Variants in EVC2 observed in about 807,000 individuals in gnomAD.
EVC2 encodes the protein limbin.
In EVC2, 148 loss-of-function variants were observed where a neutral mutation model predicts 149.3. The observed-to-expected ratio is 0.99, with a 90% CI of 0.87 to 1.14. The LOEUF is 1.14. EVC2 is among the 50% of genes most tolerant of loss of function. The probability of loss-of-function intolerance (pLI) is 0.00; values close to 1 mark genes in which losing one functional copy is unlikely to be tolerated. For synonymous variants in EVC2, 776 were observed against 649.9 expected, an observed-to-expected ratio of 1.19 and a Z score of -2.95; for missense variants, 1,854 against 1,627.3, an observed-to-expected ratio of 1.14 and a Z score of -2.40.
rs566705050 is a variant in EVC2, at chr4:5,686,806, C to G, written c.707-1327G>C. Among the ~76,000 whole-genome samples, 524 of 151,896 alleles carry G rather than the reference C, an allele frequency of 3.4e-3. 1 individual carries two copies. The highest frequency in any genetic ancestry group is 0.012 in the African/African-American group (508 of 41,430). ...TTTGGGGAAAAAAAAAAAAAGTCAC[C>G]TGTGCCCCAAGGTGAAAATCAATGT... On this transcript the variant is annotated intron_variant, in intron 5 of 21. Transcript: ENST00000344408. This position sits in a 1 kb window ranked among gnomAD's most constrained non-coding sequence, Gnocchi z 5.4.
At chr4:5,703,611 C>T (rs1721962166) in intron 1 of EVC2, among the ~76,000 whole-genome samples, 1 of 152,196 alleles carries the variant, frequency 6.6e-6, no homozygotes, top group South Asian at 2.1e-4. Flanking sequence ...AGTTACTTCA[C>T]TTGCATTCAT....
At chr4:5,599,752 G>C (rs1331372039) in intron 16 of EVC2, among the ~76,000 whole-genome samples, 2 of 152,128 alleles carry the variant, frequency 1.3e-5, no homozygotes, top group Non-Finnish European at 2.9e-5. Flanking sequence ...TCCCATTCTA[G>C]CGGCTGGTCC....
At chr4:5,580,082 C>G (rs1002065587) in intron 17 of EVC2, among the ~76,000 whole-genome samples, 1 of 152,158 alleles carries the variant, frequency 6.6e-6, no homozygotes, top group East Asian at 1.9e-4. Context: ...ATGAGGTGCA[C>G]TTGATATAGT....
rs1338358537 is a variant in EVC2 at position 5,640,887 on chromosome 4, G to C, written c.1146-49C>G. ...AATTCCATTACATGAAATTGCAACA[G>C]AAACCAAAGGTCTTTCAAAGCTCTG... On this transcript the variant is annotated intron_variant, in intron 9 of 21. Transcript: ENST00000344408. The surrounding 1 kb of genome is among the most constrained non-coding windows in gnomAD (Gnocchi z 4.6). The C allele has an allele frequency of 2.5e-6, 4 of 1,602,000 alleles. No individual in the cohort carries two copies. The East Asian group carries it at 8.9e-5, about 36-fold the overall frequency.
At chr4:5,535,635 A>AGAGAGATAGAGAGAGAG in the EVC2 span, among the ~76,000 whole-genome samples, 1 of 87,878 alleles carries the variant, frequency 1.1e-5, no homozygotes, top group African/African-American at 4.9e-5. The surrounding 1 kb of genome is among the most constrained non-coding windows in gnomAD (Gnocchi z 4.7). Flanking sequence ...GAGAGAGAGA[A>AGAGAGATAGAGAGAGAG]AGAGATAATC....
intron 1 of EVC2, 83 bp from the exon 2 acceptor site, chr4:5,697,730 A>C: frequency 1.0e-5 from 13 of 1,262,334 alleles, no homozygotes; most frequent in East Asian, 2.4e-5. Flanking sequence ...AATGACTCAC[A>C]TGGAGAGGAC....
rs991137173 is a variant in EVC2 at position 5,562,786 on chromosome 4, C to T, written c.*62G>A. ...TTGTGCATTATAAACACACAAACAC[C>T]GGCGGGCAGGAGAAAATCATCCCTT... On this transcript the variant is annotated 3_prime_UTR_variant, in exon 22 of 22. Transcript: ENST00000344408. This position sits in a 1 kb window ranked among gnomAD's most constrained non-coding sequence, Gnocchi z 4.3. 36 of 1,608,294 alleles carry T rather than the reference C, an allele frequency of 2.2e-5. No homozygotes were observed. Among genetic ancestry groups the T allele is most frequent in the Non-Finnish European group, 2.8e-5 (33 of 1,179,974 alleles).
chr4:5,702,601 T>C (rs898766236), intron 1 of EVC2, among the ~76,000 whole-genome samples: 5 of 152,302 alleles, frequency 3.3e-5, no homozygotes, highest in Admixed American at 2.0e-4. Context: ...ATGGGGCCAT[T>C]TGAGCATATG....
intron 9 of EVC2, among the ~76,000 whole-genome samples, chr4:5,650,620 TATATATATATATATATATAGAGAG>T (rs1196882138): frequency 9.2e-4 from 75 of 81,376 alleles, no homozygotes; most frequent in African/African-American, 2.8e-3. Context: ...TATATATATA[TATATATATATATATATATAGAGAG>T]AGAGAGAGAG....
rs954914463 is a variant in EVC2, at chr4:5,637,401, A to T, written c.1470+3113T>A. Reference sequence around the variant, plus strand: ...CCCCAGCTCAGTTTCCTCACCTGTCAAAGTGAGATCCTCTCAGTCCCTACC... The same window carrying T: ...CCCCAGCTCAGTTTCCTCACCTGTCTAAGTGAGATCCTCTCAGTCCCTACC... On this transcript the variant is annotated intron_variant, in intron 10 of 21. Coordinates refer to ENST00000344408, the MANE Select transcript of EVC2 (RefSeq NM_147127.5). This position sits in a 1 kb window ranked among gnomAD's most constrained non-coding sequence, Gnocchi z 4.4. Among the ~76,000 whole-genome samples, 2 of 152,168 alleles carry T rather than the reference A, an allele frequency of 1.3e-5. No homozygotes were observed. The highest frequency in any genetic ancestry group is 4.8e-5 in the African/African-American group (2 of 41,446).
chr4:5,575,681 A>G (rs943239681), intron 18 of EVC2, among the ~76,000 whole-genome samples: 1 of 152,240 alleles, frequency 6.6e-6, no homozygotes, highest in South Asian at 2.1e-4. Context: ...TGAAGCTGTT[A>G]AAAATTGTGT....
In EVC2 at chr4:5,628,990, C is replaced by G. The variant is rs868615241; in HGVS notation, c.1711-256G>C. On this transcript the variant is annotated intron_variant, in intron 11 of 21. Transcript: ENST00000344408. The stretch of plus-strand genomic sequence containing the variant: ...TTATCAGAACAACTTCACTGCCCTA[C>G]GGAACATAAATTTCACTAATTCAGC... Among the ~76,000 whole-genome samples the G allele has an allele frequency of 3.3e-5, 5 of 152,134 alleles. No homozygotes were observed. In the East Asian group the frequency reaches 9.6e-4, roughly 29 times the overall value.
At chr4:5,529,662 T>C in the EVC2 span, among the ~76,000 whole-genome samples, 1 of 152,220 alleles carries the variant, frequency 6.6e-6, no homozygotes, top group African/African-American at 2.4e-5. The surrounding 1 kb of genome is among the most constrained non-coding windows in gnomAD (Gnocchi z 4.5). Context: ...GGAAGCTTAA[T>C]ACTTAGGAAT....
chr4:5,599,584 G>C (rs930275026), intron 16 of EVC2, among the ~76,000 whole-genome samples: 3 of 152,138 alleles, frequency 2.0e-5, no homozygotes, highest in Non-Finnish European at 2.9e-5. Context: ...GGTGGGCAGA[G>C]GGGGGAGGGA....
rs1264004633 is a variant in EVC2, at chr4:5,614,807, A to T, written c.2829+615T>A. On this transcript the variant is annotated intron_variant, in intron 16 of 21. Transcript: ENST00000344408. This position sits in a 1 kb window ranked among gnomAD's most constrained non-coding sequence, Gnocchi z 4.7. ...AATCTGGCCAACATGGTGAAACCAC[A>T]TGTCTACTAAAAATACAAAAATTAG... Among the ~76,000 whole-genome samples the T allele has an allele frequency of 6.8e-6, 1 of 146,760 alleles. No individual in the cohort carries two copies. Among genetic ancestry groups the T allele is most frequent in the Non-Finnish European group, 1.5e-5 (1 of 67,464 alleles).
At chr4:5,591,311 C>G (rs1040812047) in intron 16 of EVC2, among the ~76,000 whole-genome samples, 3 of 152,210 alleles carry the variant, frequency 2.0e-5, no homozygotes, top group Non-Finnish European at 2.9e-5. Flanking sequence ...GAAGGGCCAC[C>G]CTGCAGGCTA....
intron 16 of EVC2, among the ~76,000 whole-genome samples, chr4:5,606,299 AC>A (rs1375683228): frequency 6.6e-6 from 1 of 152,208 alleles, no homozygotes. Flanking sequence ...CTGTAAAGCC[AC>A]AAGGTAAGCC....
Position 5,637,529 on chromosome 4 carries a change from CATCGTATT to C in EVC2, c.1470+2977_1470+2984del, listed in dbSNP as rs1560184707. Among the ~76,000 whole-genome samples the C allele has an allele frequency of 6.6e-6, 1 of 152,164 alleles. No individual in the cohort carries two copies. The highest frequency in any genetic ancestry group is 1.5e-5 in the Non-Finnish European group (1 of 68,030). On this transcript the variant is annotated intron_variant, in intron 10 of 21. Transcript: ENST00000344408. This position sits in a 1 kb window ranked among gnomAD's most constrained non-coding sequence, Gnocchi z 4.4. ...GGAAGGATGAGCTGTTATTGTTACA[CATCGTATT>C]TTTTAAGAGTATTTAATAAAATCAG...
chr4:5,562,722 G>C lies in EVC2; in HGVS notation c.*126C>G. The C allele has an allele frequency of 1.9e-6, 3 of 1,580,398 alleles. No individual in the cohort carries two copies. The highest frequency in any genetic ancestry group is 2.6e-6 in the Non-Finnish European group (3 of 1,171,260). On this transcript the variant is annotated 3_prime_UTR_variant, in exon 22 of 22. Coordinates refer to ENST00000344408, the MANE Select transcript of EVC2 (RefSeq NM_147127.5). This position sits in a 1 kb window ranked among gnomAD's most constrained non-coding sequence, Gnocchi z 4.3. The stretch of plus-strand genomic sequence containing the variant: ...TCCCTGCAAGTTGGCATGCGCTACG[G>C]GGTCTGTGCCTTCTGCATGTGCAAT...
Sources: allele counts gnomAD v4.1 joint callset (sites outside exome capture counted in the v4.1 genomes callset), GRCh38; gene constraint gnomAD v4.1.1; non-coding constraint Gnocchi (gnomAD v3.1); transcripts MANE v1.5; gene names NCBI Gene and HGNC (gene_info 2026-07-23, HGNC 2026-07-21).